LAMA1: variants seen among roughly 807,000 people sequenced by gnomAD.
The protein encoded by LAMA1 is laminin subunit alpha 1, also known as laminin subunit alpha-1.
A neutral mutation model predicts 348.7 loss-of-function variants in LAMA1; 219 were observed. That is an observed-to-expected ratio of 0.63 (90% confidence interval 0.56 to 0.70). LAMA1 has a LOEUF of 0.70. LAMA1 is among the 30% of genes least tolerant of loss of function. The pLI is 0.00. For missense variants in LAMA1, 3,744 were observed against 3,888.0 expected (o/e 0.96, Z 0.99); for synonymous variants, 1,487 against 1,491.0 (o/e 1.00, Z 0.06).
At chr18:6,987,434 CA>C (rs1236604687) in intron 36 of LAMA1, among the ~76,000 whole-genome samples, 41 of 152,210 alleles carry the variant, frequency 2.7e-4, no homozygotes, top group African/African-American at 9.1e-4. Context: ...TTCAAATTGA[CA>C]AAAAGATATG....
At chr18:7,111,365 T>TCCATTGTCTGCCTCCTGCCC (rs1173520889) in intron 1 of LAMA1, among the ~76,000 whole-genome samples, 1 of 152,188 alleles carries the variant, frequency 6.6e-6, no homozygotes, top group African/African-American at 2.4e-5. Flanking sequence ...TCTCTCTGCC[T>TCCATTGTCTGCCTCCTGCCC]CCATTGTCTG....
chr18:7,057,556 C>G (rs1460886005), intron 3 of LAMA1, among the ~76,000 whole-genome samples: 3 of 149,382 alleles, frequency 2.0e-5, no homozygotes, highest in South Asian at 2.1e-4. Context: ...CTCACTACAG[C>G]CTTGACCTCC....
At chr18:7,001,024 A>G (rs1187482898) in intron 30 of LAMA1, among the ~76,000 whole-genome samples, 1 of 152,228 alleles carries the variant, frequency 6.6e-6, no homozygotes, top group Non-Finnish European at 1.5e-5. Context: ...TTGCAGAAGT[A>G]AAATATTCAA....
intron 51 of LAMA1, 40 bp from the exon 52 acceptor site, chr18:6,962,099 T>C (rs1453292685): frequency 7.0e-7 from 1 of 1,429,838 alleles, no homozygotes; most frequent in Admixed American, 1.7e-5. Flanking sequence ...AAATTTGGGT[T>C]TTTAAATTCC....
intron 1 of LAMA1, among the ~76,000 whole-genome samples, chr18:7,102,097 A>G (rs533753300): frequency 6.6e-6 from 1 of 152,312 alleles, no homozygotes; most frequent in Non-Finnish European, 1.5e-5. Context: ...TCTTATACAT[A>G]CATTTTCAAG....
At chr18:7,021,445 A>G (rs1260997478) in intron 19 of LAMA1, among the ~76,000 whole-genome samples, 1 of 152,156 alleles carries the variant, frequency 6.6e-6, no homozygotes, top group East Asian at 1.9e-4. Context: ...GGACGGAAAA[A>G]TTTTAAATAT....
intron 46 of LAMA1, among the ~76,000 whole-genome samples, chr18:6,973,936 T>C (rs2057669835): frequency 6.6e-6 from 1 of 152,100 alleles, no homozygotes; most frequent in African/African-American, 2.4e-5. Context: ...CACACCACTG[T>C]GCTTGGATAA....
chr18:7,047,381 C>G (rs552737589), intron 5 of LAMA1, among the ~76,000 whole-genome samples: 1 of 152,054 alleles, frequency 6.6e-6, no homozygotes, highest in Non-Finnish European at 1.5e-5. Context: ...CATTATTGAA[C>G]AAGACCTTTT....
At chr18:7,018,023 T>C (rs1386535373) in intron 19 of LAMA1, among the ~76,000 whole-genome samples, 1 of 152,118 alleles carries the variant, frequency 6.6e-6, no homozygotes, top group Non-Finnish European at 1.5e-5. Context: ...GAACCCTTAA[T>C]AAGCACTTCA....
In LAMA1 at chr18:7,024,427, C is replaced by T. The variant is rs2057933172; in HGVS notation, c.2442G>A (p.Val814=). ...PTCHLNDGDE[V]VCDWCAPGYS... The stretch of plus-strand genomic sequence containing the variant: ...AGCCCGGGGCACACCAGTCACAGAC[C>T]ACTTCATCTCCATCATTGAGGTGGC... The change falls in exon 18 of 63, where the codon GTG becomes GTA. Residue 814 remains valine, a synonymous_variant. Coordinates refer to ENST00000389658, the MANE Select transcript of LAMA1 (RefSeq NM_005559.4). The T allele has an allele frequency of 1.2e-6, 2 of 1,613,920 alleles. No homozygotes were observed. Among genetic ancestry groups the T allele is most frequent in the African/African-American group, 1.3e-5 (1 of 74,908 alleles).
At chr18:7,074,574 T>TCCTA (rs1428345661) in intron 3 of LAMA1, among the ~76,000 whole-genome samples, 1 of 152,182 alleles carries the variant, frequency 6.6e-6, no homozygotes, top group Non-Finnish European at 1.5e-5. Context: ...ATATATGAGA[T>TCCTA]CCTAAACCAC....
intron 1 of LAMA1, among the ~76,000 whole-genome samples, chr18:7,101,837 T>C (rs2058292244): frequency 7.3e-6 from 1 of 137,574 alleles, no homozygotes; most frequent in Admixed American, 7.6e-5. Flanking sequence ...CTGGCTAATT[T>C]CTATTTTTTT....
intron 1 of LAMA1, among the ~76,000 whole-genome samples, chr18:7,116,129 T>G (rs2058355331): frequency 1.3e-5 from 2 of 152,174 alleles, no homozygotes; most frequent in Non-Finnish European, 2.9e-5. Flanking sequence ...GAAAGCCCCA[T>G]GAGGTCCCAC....
chr18:6,982,653 G>T lies in LAMA1; in HGVS notation c.5797-63C>A. The T allele has an allele frequency of 3.7e-6, 5 of 1,343,458 alleles. No individual in the cohort carries two copies. In the South Asian group the frequency reaches 5.8e-5, roughly 16 times the overall value. 83.2% of individuals were successfully genotyped at this position (1,343,458 alleles called of 1,614,324 possible). A position where few individuals can be genotyped will look rare whatever the true frequency, so the allele number is the denominator to read the frequency against. The stretch of plus-strand genomic sequence containing the variant: ...GCAGGGTGGAGTCCTGCTGGGGACA[G>T]AGGAAGTGACTCCATCAGAGTAGCC... On this transcript the variant is annotated intron_variant, in intron 40 of 62. Transcript: ENST00000389658.
chr18:7,005,128 T>C (rs1018187979), intron 29 of LAMA1, among the ~76,000 whole-genome samples: 7 of 152,158 alleles, frequency 4.6e-5, no homozygotes, highest in Non-Finnish European at 8.8e-5. Context: ...CCATCTGGCC[T>C]CCAGGCATGT....
intron 40 of LAMA1, among the ~76,000 whole-genome samples, chr18:6,982,793 A>T (rs981511590): frequency 6.6e-6 from 1 of 152,224 alleles, no homozygotes; most frequent in African/African-American, 2.4e-5. Context: ...GAAACCAGCC[A>T]TTCAATAAAG....
At chr18:7,086,346 A>G (rs995010175) in intron 1 of LAMA1, among the ~76,000 whole-genome samples, 1 of 152,262 alleles carries the variant, frequency 6.6e-6, no homozygotes, top group Non-Finnish European at 1.5e-5. Context: ...AAGGGCATGC[A>G]TTCAGACAGG....
chr18:7,068,139 C>T (rs1315483509), intron 3 of LAMA1, among the ~76,000 whole-genome samples: 3 of 152,208 alleles, frequency 2.0e-5, no homozygotes, highest in East Asian at 1.9e-4. Flanking sequence ...AGGCGTGAGC[C>T]ACCGCGCCCG....
At position 6,956,692 on chromosome 18, in the gene LAMA1, T is replaced by C. The variant is rs1239771244; in HGVS notation, c.8038A>G (p.Lys2680Glu). ...CTGTCCTCTGCATCGGGAGCCAGCT[T>C]AGGCCTTTCTGACAGCCAGCAGGTG... ...LDTCWLSERP[K>E]LAPDAEDSKL... The change falls in exon 56 of 63, where the codon AAG becomes GAG. Residue 2680 changes from lysine to glutamate, a missense_variant. Around this residue, in one of 3 missense-constraint regions of LAMA1, gnomAD observed 1,983 missense variants for 1,934.3 expected, o/e 1.03. Transcript: ENST00000389658. 12 of 1,614,088 alleles carry C rather than the reference T, an allele frequency of 7.4e-6. No homozygotes were observed. Among genetic ancestry groups the C allele is most frequent in the African/African-American group, 2.7e-5 (2 of 74,938 alleles).
Sources: gnomAD v4.1 joint callset for allele counts (sites outside exome capture counted in the v4.1 genomes callset) on GRCh38, gnomAD v4.1.1 for gene constraint, gnomAD v4.1.1 regional missense constraint, MANE v1.5 for transcripts, NCBI Gene and HGNC (gene_info 2026-07-23, HGNC 2026-07-21) for gene names.